Variants in GPC6 observed in about 807,000 individuals in gnomAD.
GPC6 encodes glypican 6.
In GPC6, 14 loss-of-function variants were observed where a neutral mutation model predicts 55.2. That is an observed-to-expected ratio of 0.25 (90% CI 0.17 to 0.40). The LOEUF (loss-of-function observed/expected upper bound fraction) is 0.40. GPC6 is among the 10% of genes least tolerant of loss of function. GPC6 has a pLI of 1.00. For missense variants in GPC6, 641 were observed against 708.5 expected, an observed-to-expected ratio of 0.90 and a Z score of 1.08; for synonymous variants, 278 against 259.6, an observed-to-expected ratio of 1.07 and a Z score of -0.68.
intron 2 of GPC6, among the ~76,000 whole-genome samples, chr13:93,799,433 A>G (rs1886301676): frequency 6.6e-6 from 1 of 152,212 alleles, no homozygotes; most frequent in African/African-American, 2.4e-5. Flanking sequence ...ACTAATTTTT[A>G]TCTCTCATTT....
At chr13:94,135,783 G>C (rs539067137) in intron 4 of GPC6, among the ~76,000 whole-genome samples, 1 of 152,290 alleles carries the variant, frequency 6.6e-6, no homozygotes, top group East Asian at 1.9e-4. Flanking sequence ...ATGAAACTAA[G>C]ACAAACAGCT....
intron 1 of GPC6, among the ~76,000 whole-genome samples, chr13:93,271,458 A>G (rs1877522435): frequency 6.6e-6 from 1 of 152,138 alleles, no homozygotes; most frequent in African/African-American, 2.4e-5. Flanking sequence ...TATCAAAATT[A>G]CATCCTAGAT....
At chr13:93,534,341 C>CAAAA (rs1225507919) in intron 1 of GPC6, among the ~76,000 whole-genome samples, 1 of 152,110 alleles carries the variant, frequency 6.6e-6, no homozygotes, top group Non-Finnish European at 1.5e-5. Flanking sequence ...CTATAAAAGC[C>CAAAA]AAAAGTTAGT....
At position 93,326,926 on chromosome 13, in the gene GPC6, G is replaced by A. The variant is rs575212623; in HGVS notation, c.160+99310G>A. On this transcript the variant is annotated intron_variant, in intron 1 of 8. Coordinates refer to ENST00000377047, the MANE Select transcript of GPC6 (RefSeq NM_005708.5). ...GTGGAATAAATATATATAATTGCAT[G>A]TCATATTCTGAGCCTGCACTAAAAA... 8.5e-5 allele frequency among the ~76,000 whole-genome samples: 13 copies of A among 152,300 alleles called. No individual in the cohort carries two copies. The South Asian group carries it at 2.7e-3, about 32-fold the overall frequency.
intron 8 of GPC6, among the ~76,000 whole-genome samples, chr13:94,402,001 A>G (rs1288314078): frequency 1.3e-5 from 2 of 152,202 alleles, no homozygotes; most frequent in Non-Finnish European, 2.9e-5. Context: ...TATAAAATAT[A>G]TACTTTTATG....
chr13:94,266,151 C>CTTTTTTTTTTTT (rs111623457), intron 4 of GPC6, among the ~76,000 whole-genome samples: 1 of 142,816 alleles, frequency 7.0e-6, no homozygotes, highest in Non-Finnish European at 1.5e-5. Context: ...CTTTTCTTTT[C>CTTTTTTTTTTTT]TTTTTTTTTT....
chr13:93,398,861 T>G (rs2762111), intron 1 of GPC6, among the ~76,000 whole-genome samples: 2 of 151,998 alleles, frequency 1.3e-5, no homozygotes, highest in South Asian at 4.1e-4. Flanking sequence ...TACTTGACTA[T>G]GTATTAGACA....
rs1237706112 is a variant in GPC6 at position 93,745,386 on chromosome 13, A to C, written c.320-84768A>C. Among the ~76,000 whole-genome samples the C allele has an allele frequency of 2.0e-5, 3 of 151,808 alleles. No individual in the cohort carries two copies. In the South Asian group the frequency reaches 6.3e-4, roughly 32 times the overall value. On this transcript the variant is annotated intron_variant, in intron 2 of 8. Coordinates refer to ENST00000377047, the MANE Select transcript of GPC6 (RefSeq NM_005708.5). Reference sequence around the variant, plus strand: ...CCTAAAGAAACTTCATCATCCTTTAAATGTCTCCCCAAATATCTTCATCTG... The same window carrying C: ...CCTAAAGAAACTTCATCATCCTTTACATGTCTCCCCAAATATCTTCATCTG...
intron 3 of GPC6, among the ~76,000 whole-genome samples, chr13:94,005,661 T>C (rs74109201): frequency 1.7e-3 from 263 of 152,346 alleles, no homozygotes; most frequent in African/African-American, 6.0e-3. Flanking sequence ...CCCTTGATTC[T>C]GTATTTTTTG....
intron 2 of GPC6, among the ~76,000 whole-genome samples, chr13:93,774,528 T>C (rs1037401860): frequency 3.3e-5 from 5 of 152,196 alleles, no homozygotes; most frequent in Non-Finnish European, 5.9e-5. Flanking sequence ...ACACACTTAA[T>C]GACAGAATTA....
At chr13:93,661,507 A>G (rs559991735) in intron 2 of GPC6, among the ~76,000 whole-genome samples, 1 of 152,266 alleles carries the variant, frequency 6.6e-6, no homozygotes, top group South Asian at 2.1e-4. Context: ...CTCTGCCTGT[A>G]TTACCTTTCT....
intron 1 of GPC6, among the ~76,000 whole-genome samples, chr13:93,474,194 G>A (rs1010866437): frequency 6.6e-6 from 1 of 152,180 alleles, no homozygotes; most frequent in Non-Finnish European, 1.5e-5. Context: ...TTGTAGTCCT[G>A]ATGTCAGATA....
chr13:94,039,343 G>A (rs1001846502), intron 4 of GPC6, among the ~76,000 whole-genome samples: 1 of 151,900 alleles, frequency 6.6e-6, no homozygotes, highest in Non-Finnish European at 1.5e-5. Context: ...TGAGACTTGT[G>A]GTAGTAAGAC....
intron 2 of GPC6, among the ~76,000 whole-genome samples, chr13:93,735,535 G>A (rs935948300): frequency 7.4e-6 from 1 of 135,860 alleles, no homozygotes; most frequent in Non-Finnish European, 1.7e-5. Flanking sequence ...AAAAAAAAAA[G>A]AAGAAGAAGA....
At chr13:94,377,242 A>T (rs1306904569) in intron 6 of GPC6, among the ~76,000 whole-genome samples, 1 of 149,868 alleles carries the variant, frequency 6.7e-6, no homozygotes, top group Non-Finnish European at 1.5e-5. Context: ...AGAAACTACC[A>T]TCAGAGTGAA....
intron 4 of GPC6, among the ~76,000 whole-genome samples, chr13:94,141,388 C>T (rs1168455352): frequency 1.3e-5 from 2 of 152,164 alleles, no homozygotes; most frequent in Non-Finnish European, 2.9e-5. Context: ...GGGTGTGTGA[C>T]TTAACCCTTG....
intron 1 of GPC6, among the ~76,000 whole-genome samples, chr13:93,541,836 T>C (rs1330882708): frequency 2.3e-4 from 34 of 149,224 alleles, no homozygotes; most frequent in East Asian, 6.0e-4. Flanking sequence ...TTTTGAGAAG[T>C]GTCTGTTCAT....
chr13:93,255,513 G>A (rs1876922270), intron 1 of GPC6, among the ~76,000 whole-genome samples: 1 of 152,124 alleles, frequency 6.6e-6, no homozygotes. Flanking sequence ...GGTGAAAAGT[G>A]TTTGGGTTTT....
chr13:93,792,688 C>T (rs1317609130), intron 2 of GPC6, among the ~76,000 whole-genome samples: 1 of 152,120 alleles, frequency 6.6e-6, no homozygotes, highest in African/African-American at 2.4e-5. Flanking sequence ...TAGGGGAAAA[C>T]GTGGTTTTCA....
Sources: gnomAD v4.1 joint callset for allele counts (sites outside exome capture counted in the v4.1 genomes callset) on GRCh38, gnomAD v4.1.1 for gene constraint, MANE v1.5 for transcripts, NCBI Gene and HGNC (gene_info 2026-07-23, HGNC 2026-07-21) for gene names.